The following KCNH1 variants were observed in gnomAD, a reference collection of about 807,000 sequenced individuals.
The protein encoded by KCNH1 is voltage-gated delayed rectifier potassium channel KCNH1.
A neutral mutation model predicts 69.2 loss-of-function variants in KCNH1; 27 were observed. The ratio of observed to expected loss-of-function variants is 0.39; its 90% CI spans 0.29 to 0.54. The LOEUF is 0.54. KCNH1 is among the 20% of genes least tolerant of loss of function. KCNH1 has a pLI of 0.68. For synonymous variants in KCNH1, 456 were observed against 487.7 expected (o/e 0.93, Z 0.86); for missense variants, 798 against 1,261.6 (o/e 0.63, Z 5.57).
intron 10 of KCNH1, among the ~76,000 whole-genome samples, chr1:210,748,976 G>T (rs1683222998): frequency 6.6e-6 from 1 of 152,124 alleles, no homozygotes; most frequent in Non-Finnish European, 1.5e-5. Context: ...GACTCTCCTT[G>T]CCCTGTCCAC....
At chr1:210,761,571 CAT>C (rs1683522585) in intron 10 of KCNH1, among the ~76,000 whole-genome samples, 1 of 152,090 alleles carries the variant, frequency 6.6e-6, no homozygotes, top group Non-Finnish European at 1.5e-5. Context: ...AAATGGAAAA[CAT>C]AAGACAGCAG....
At chr1:210,736,546 CT>C (rs528404251) in intron 10 of KCNH1, among the ~76,000 whole-genome samples, 3,911 of 151,132 alleles carry the variant, frequency 0.026, 62 homozygotes, top group Non-Finnish European at 0.039. Flanking sequence ...TCCATCCCCC[CT>C]CCAAAAAAAA....
At chr1:210,735,798 GACACACACACAC>G (rs34116468) in intron 10 of KCNH1, among the ~76,000 whole-genome samples, 11 of 147,332 alleles carry the variant, frequency 7.5e-5, no homozygotes, top group Non-Finnish European at 1.5e-4. Flanking sequence ...TGCATACACA[GACACACACACAC>G]ACACACACAC....
intron 9 of KCNH1, among the ~76,000 whole-genome samples, chr1:210,789,692 T>A (rs1449832207): frequency 6.6e-6 from 1 of 152,190 alleles, no homozygotes; most frequent in East Asian, 1.9e-4. Flanking sequence ...TTTAAAAAAA[T>A]TAAAATATCC....
chr1:211,014,604 A>G (rs1027519630), intron 6 of KCNH1, among the ~76,000 whole-genome samples: 4 of 152,046 alleles, frequency 2.6e-5, no homozygotes, highest in Non-Finnish European at 5.9e-5. Context: ...GGTGGCTCCA[A>G]TCTTTTCACT....
chr1:210,941,722 C>A (rs904658798), intron 6 of KCNH1, among the ~76,000 whole-genome samples: 1 of 152,146 alleles, frequency 6.6e-6, no homozygotes, highest in East Asian at 1.9e-4. Flanking sequence ...CCCATGATGT[C>A]TCTCAGTGTG....
intron 6 of KCNH1, among the ~76,000 whole-genome samples, chr1:211,011,302 T>C (rs1463265986): frequency 6.6e-6 from 1 of 152,234 alleles, no homozygotes; most frequent in African/African-American, 2.4e-5. Context: ...GCAAAAGACA[T>C]GAACTCATCC....
At chr1:210,708,819 T>G (rs1681979220) in intron 10 of KCNH1, among the ~76,000 whole-genome samples, 1 of 152,212 alleles carries the variant, frequency 6.6e-6, no homozygotes, top group Non-Finnish European at 1.5e-5. Flanking sequence ...TGGGTTACTT[T>G]AACAGACCCT....
chr1:210,740,704 A>ATTTTTTTTTTTTTTTTTTTTTTT (rs199727493), intron 10 of KCNH1, among the ~76,000 whole-genome samples: 4 of 117,262 alleles, frequency 3.4e-5, no homozygotes, highest in African/African-American at 1.4e-4. Context: ...TTATGATTAA[A>ATTTTTTTTTTTTTTTTTTTTTTT]TTTTTTTTTT....
At chr1:210,830,960 G>A (rs763616612) in intron 7 of KCNH1, among the ~76,000 whole-genome samples, 26 of 152,202 alleles carry the variant, frequency 1.7e-4, no homozygotes, top group Non-Finnish European at 3.4e-4. Flanking sequence ...TAGGTAACCA[G>A]CACTGGTTTT....
intron 7 of KCNH1, among the ~76,000 whole-genome samples, chr1:210,849,971 AT>A (rs1308177397): frequency 6.6e-6 from 1 of 152,024 alleles, no homozygotes. Flanking sequence ...TATAATTGAC[AT>A]GTTAAATCTA....
At chr1:210,991,006 C>A (rs78800014) in intron 6 of KCNH1, among the ~76,000 whole-genome samples, 1,775 of 152,150 alleles carry the variant, frequency 0.012, 37 homozygotes, top group African/African-American at 0.04. Flanking sequence ...TTACTTTGCT[C>A]CTTACTGTAT....
At chr1:211,111,841 G>A (rs1182141421) in intron 1 of KCNH1, among the ~76,000 whole-genome samples, 1 of 78,320 alleles carries the variant, frequency 1.3e-5, no homozygotes, top group Non-Finnish European at 2.5e-5. Flanking sequence ...CTGCCTGGCC[G>A]CTGTACTGTC....
At chr1:210,861,713 A>T (rs1330526842) in intron 7 of KCNH1, 2 of 774,598 alleles carry the variant, frequency 2.6e-6, no homozygotes, top group East Asian at 2.4e-5. Context: ...GACTGATCAG[A>T]CTGGTCAGAA....
rs868452410 is a variant in KCNH1 at position 210,834,563 on chromosome 1, T to C, written c.1463-30397A>G. ...GTGGGGGGAGGGGGGAGGGATAGCA[T>C]TGGGAGATATACCTAATGCTAGATG... On this transcript the variant is annotated intron_variant, in intron 7 of 10. Coordinates refer to ENST00000271751, the MANE Select transcript of KCNH1 (RefSeq NM_172362.3). Among the ~76,000 whole-genome samples the C allele has an allele frequency of 2.8e-3, 387 of 140,420 alleles. 3 individuals carry two copies. Among genetic ancestry groups the C allele is most frequent in the African/African-American group, 9.5e-3 (361 of 37,868 alleles). The allele number at this position is 140,420 out of a possible 152,430, so 92.1% of individuals were successfully genotyped here. A position where few individuals can be genotyped will look rare whatever the true frequency, so the allele number is the denominator to read the frequency against.
chr1:211,007,287 A>G (rs1483512594), intron 6 of KCNH1, among the ~76,000 whole-genome samples: 2 of 152,226 alleles, frequency 1.3e-5, no homozygotes, highest in African/African-American at 2.4e-5. Context: ...TGGCTCTGAC[A>G]CAGACTCCCA....
chr1:210,816,872 G>A (rs1574274172), intron 7 of KCNH1, among the ~76,000 whole-genome samples: 2 of 152,116 alleles, frequency 1.3e-5, no homozygotes, highest in East Asian at 3.8e-4. Context: ...AACAAAAATA[G>A]AAGTGAAAAA....
At chr1:210,832,907 C>CATACATATATATATAT (rs1553349178) in intron 7 of KCNH1, among the ~76,000 whole-genome samples, 1 of 110,638 alleles carries the variant, frequency 9.0e-6, no homozygotes, top group Non-Finnish European at 2.1e-5. Context: ...TTCTCAAATA[C>CATACATATATATATAT]ATATATATAT....
At chr1:210,928,470 G>T (rs1687617376) in intron 6 of KCNH1, among the ~76,000 whole-genome samples, 1 of 152,100 alleles carries the variant, frequency 6.6e-6, no homozygotes, top group Non-Finnish European at 1.5e-5. Flanking sequence ...AATGATCATT[G>T]GGTCAACAAT....
Sources: gnomAD v4.1 joint callset for allele counts (sites outside exome capture counted in the v4.1 genomes callset) on GRCh38, gnomAD v4.1.1 for gene constraint, MANE v1.5 for transcripts, NCBI Gene and HGNC (gene_info 2026-07-23, HGNC 2026-07-21) for gene names.